Variants in EVI5L observed in about 807,000 individuals in gnomAD.
EVI5L encodes ecotropic viral integration site 5 like, also known as EVI5-like protein.
EVI5L carries 30 observed loss-of-function variants against 106.1 expected under a neutral mutation model. That is an observed-to-expected ratio of 0.28 (90% CI 0.21 to 0.38). The LOEUF (loss-of-function observed/expected upper bound fraction) is 0.38. Among genes scored for constraint, EVI5L ranks in the 10% least tolerant of loss-of-function variants. The pLI is 1.00. For synonymous variants in EVI5L, 489 were observed against 483.3 expected (o/e 1.01, Z -0.15); for missense variants, 809 against 1,098.0 (o/e 0.74, Z 3.72).
Position 7,860,596 on chromosome 19 carries a change from C to T in EVI5L, c.1410C>T (p.His470=). ...NPRLTEDFVS[H]LETELEQSRL... Reference sequence around the variant, plus strand: ...GCCTCACAGAAGACTTCGTGTCCCACCTGGAGACCGAGCTGGAGCAGTCGA... The same window carrying T: ...GCCTCACAGAAGACTTCGTGTCCCATCTGGAGACCGAGCTGGAGCAGTCGA... Residue 470 remains histidine (H), a synonymous_variant, in exon 14 of 20, where the codon CAC becomes CAT. Coordinates refer to ENST00000538904, the MANE Select transcript of EVI5L (RefSeq NM_001159944.3). 6.2e-7 allele frequency: 1 copy of T among 1,600,460 alleles called. No homozygotes were observed. Among genetic ancestry groups the T allele is most frequent in the Admixed American group, 1.7e-5 (1 of 58,386 alleles).
At position 7,848,334 on chromosome 19, in the gene EVI5L, C is replaced by G. The variant is rs535406739; in HGVS notation, c.327+413C>G. On this transcript the variant is annotated intron_variant, in intron 3 of 19. Transcript: ENST00000538904. This position sits in a 1 kb window ranked among gnomAD's most constrained non-coding sequence, Gnocchi z 4.8. Reference sequence around the variant, plus strand: ...CAGGTAGGCCGGGCGCAGTGGCTCACGCCTGTAATCCCAGTTCGTTGGAAG... The same window carrying G: ...CAGGTAGGCCGGGCGCAGTGGCTCAGGCCTGTAATCCCAGTTCGTTGGAAG... Among the ~76,000 whole-genome samples the G allele has an allele frequency of 6.6e-6, 1 of 152,094 alleles. No individual in the cohort carries two copies. The highest frequency in any genetic ancestry group is 1.5e-5 in the Non-Finnish European group (1 of 68,026).
At chr19:7,841,364 C>T (rs781599268) in intron 1 of EVI5L, among the ~76,000 whole-genome samples, 1 of 152,064 alleles carries the variant, frequency 6.6e-6, no homozygotes, top group East Asian at 1.9e-4. Flanking sequence ...TGAGAAGTCC[C>T]GGCCAGAGAG....
Position 7,863,789 on chromosome 19 carries a change from T to C in EVI5L, c.*87T>C. 1 of 1,408,052 alleles carries C rather than the reference T, an allele frequency of 7.1e-7. No individual in the cohort carries two copies. Among genetic ancestry groups the C allele is most frequent in the Non-Finnish European group, 9.2e-7 (1 of 1,084,212 alleles). 87.2% of individuals were successfully genotyped at this position (1,408,052 alleles called of 1,614,324 possible). A position where few individuals can be genotyped will look rare whatever the true frequency, so the allele number is the denominator to read the frequency against. On this transcript the variant is annotated 3_prime_UTR_variant, in exon 20 of 20. Transcript: ENST00000538904. This position sits in a 1 kb window ranked among gnomAD's most constrained non-coding sequence, Gnocchi z 7.7. ...GCGTTCTGCTCCCCACCTGCCGCAC[T>C]TGACAAACTACGCGCCCTCTGTGGC...
intron 1 of EVI5L, among the ~76,000 whole-genome samples, chr19:7,840,350 T>G (rs1247538196): frequency 6.6e-6 from 1 of 152,144 alleles, no homozygotes; most frequent in Non-Finnish European, 1.5e-5. Context: ...TGGCGGCACA[T>G]GCCTATAATC....
At chr19:7,831,260 C>T (rs1599556144) in intron 1 of EVI5L, among the ~76,000 whole-genome samples, 1 of 131,272 alleles carries the variant, frequency 7.6e-6, no homozygotes, top group African/African-American at 2.7e-5. Flanking sequence ...CACACACACA[C>T]ACACACACAC....
intron 1 of EVI5L, among the ~76,000 whole-genome samples, chr19:7,834,892 G>A (rs1258392920): frequency 6.6e-6 from 1 of 152,126 alleles, no homozygotes; most frequent in Non-Finnish European, 1.5e-5. Flanking sequence ...TTGAGAGGCC[G>A]AGTCAGGGAG....
At position 7,849,992 on chromosome 19, in the gene EVI5L, C is replaced by G. The variant is rs28420566; in HGVS notation, c.628-5C>G. The G allele has an allele frequency of 4.9e-3, 7,709 of 1,588,446 alleles. 290 individuals carry two copies. The African/African-American group carries it at 0.082, about 17-fold the overall frequency. ...TGAGCCCCCCCACCTGCCCGTCCCC[C>G]CTAGATGCCTGAGGAGGAGGCCTTC... is the stretch of plus-strand genomic sequence containing the variant. On this transcript the variant is annotated splice_polypyrimidine_tract_variant and splice_region_variant and intron_variant, in intron 5 of 19. Coordinates refer to ENST00000538904, the MANE Select transcript of EVI5L (RefSeq NM_001159944.3).
In EVI5L at chr19:7,838,091, G is replaced by A. The variant is rs10164286; in HGVS notation, c.-48+7710G>A. ...GTCTGGTGTGTTTATTTTTTTTTTGGTTGGTTTTTTTTTGTTTTGTTTTGT... is the reference window on the plus strand; with the variant it reads ...GTCTGGTGTGTTTATTTTTTTTTTGATTGGTTTTTTTTTGTTTTGTTTTGT... On this transcript the variant is annotated intron_variant, in intron 1 of 19. Coordinates refer to ENST00000538904, the MANE Select transcript of EVI5L (RefSeq NM_001159944.3). Among the ~76,000 whole-genome samples, 1,211 of 150,112 alleles carry A rather than the reference G, an allele frequency of 8.1e-3. 6 individuals are homozygous for A. The highest frequency in any genetic ancestry group is 0.012 in the Non-Finnish European group (816 of 67,548).
intron 2 of EVI5L, 45 bp downstream of exon 2, chr19:7,846,724 C>A: frequency 6.3e-7 from 1 of 1,593,224 alleles, no homozygotes; most frequent in Non-Finnish European, 8.5e-7. Flanking sequence ...GGGGTGCAGT[C>A]TGGGCCCCCA....
At chr19:7,839,821 G>A (rs1464941829) in intron 1 of EVI5L, among the ~76,000 whole-genome samples, 2 of 152,158 alleles carry the variant, frequency 1.3e-5, no homozygotes, top group Non-Finnish European at 2.9e-5. Flanking sequence ...TACTCAGGAG[G>A]CTGAGGTGGG....
intron 1 of EVI5L, among the ~76,000 whole-genome samples, chr19:7,842,925 T>C (rs1242376262): frequency 6.6e-6 from 1 of 151,706 alleles, no homozygotes; most frequent in African/African-American, 2.4e-5. Flanking sequence ...TGTGTGAAGG[T>C]ACCGGGTGTG....
At chr19:7,862,360 C>T in intron 16 of EVI5L, 28 bp from the exon 17 acceptor site, 1 of 1,584,806 alleles carries the variant, frequency 6.3e-7, no homozygotes, top group Non-Finnish European at 8.6e-7. Flanking sequence ...CGCCGCCGTC[C>T]TCCGTCCTCC....
chr19:7,833,885 TAGG>T (rs1978308882), intron 1 of EVI5L, among the ~76,000 whole-genome samples: 1 of 152,106 alleles, frequency 6.6e-6, no homozygotes, highest in Admixed American at 6.6e-5. Context: ...GAGGTGAGTT[TAGG>T]AGAACTAACT....
chr19:7,853,501 G>A (rs1568241029), intron 10 of EVI5L, 168 bp downstream of exon 10: 2 of 888,172 alleles, frequency 2.3e-6, no homozygotes, highest in Non-Finnish European at 1.7e-6. Context: ...TCACCTGTTA[G>A]GCCAGCTGTG....
In EVI5L at chr19:7,848,998, C is replaced by T. The variant is rs777521175; in HGVS notation, c.405C>T (p.Pro135=). 56 of 1,613,444 alleles carry T rather than the reference C, an allele frequency of 3.5e-5. 1 individual carries two copies. The highest frequency in any genetic ancestry group is 1.1e-4 in the South Asian group (10 of 91,080). The change falls in exon 4 of 20, where the codon CCC becomes CCT. Residue 135 remains proline (P), a synonymous_variant. Transcript: ENST00000538904. The surrounding 1 kb of genome is among the most constrained non-coding windows in gnomAD (Gnocchi z 4.8). ...WQLLCSATDM[P]VKNQYSELLK... ...TTCTGTGCAGCGCCACGGACATGCC[C>T]GTCAAGAACCAGTACTCCGAGCTGC...
intron 1 of EVI5L, among the ~76,000 whole-genome samples, chr19:7,843,652 G>A (rs1278135900): frequency 6.9e-6 from 1 of 144,410 alleles, no homozygotes; most frequent in South Asian, 2.1e-4. Context: ...TCGAGTGTGT[G>A]CATGTGTGTG....
intron 5 of EVI5L, among the ~76,000 whole-genome samples, chr19:7,849,661 G>A (rs1344294066): frequency 2.0e-5 from 3 of 152,172 alleles, no homozygotes; most frequent in African/African-American, 4.8e-5. Flanking sequence ...GGGCTTGGGG[G>A]TCTCCTCCAG....
chr19:7,857,452 G>GGT lies in EVI5L; in HGVS notation c.1233+334_1233+335dup, dbSNP rs1168382853. 1.9e-6 allele frequency: 1 copy of GGT among 524,846 alleles called. No individual in the cohort carries two copies. The highest frequency in any genetic ancestry group is 3.5e-6 in the Non-Finnish European group (1 of 288,616). The allele number at this position is 524,846 out of a possible 1,614,324, so 32.5% of individuals were successfully genotyped here. On this transcript the variant is annotated intron_variant, in intron 12 of 19. Transcript: ENST00000538904. The surrounding 1 kb of genome is among the most constrained non-coding windows in gnomAD (Gnocchi z 4.5). ...TAAAACCATATTCACATAAGGCCCT[G>GGT]GTGTGTGCAGTGCTGCGGTCACACA...
rs372805600 is a variant in EVI5L, at chr19:7,853,034, G to A, written c.988-52G>A. The A allele has an allele frequency of 1.7e-5, 28 of 1,603,142 alleles. No individual in the cohort carries two copies. In the African/African-American group the frequency reaches 2.0e-4, roughly 11 times the overall value. On this transcript the variant is annotated intron_variant, in intron 8 of 19. Transcript: ENST00000538904. ...GGGCAACAGGGCTCGGGCGGCCCCCGGTGGTCAGGGCCTGCATGTTGGTGA... is the reference window on the plus strand; with the variant it reads ...GGGCAACAGGGCTCGGGCGGCCCCCAGTGGTCAGGGCCTGCATGTTGGTGA...
Sources: allele counts gnomAD v4.1 joint callset (sites outside exome capture counted in the v4.1 genomes callset), GRCh38; gene constraint gnomAD v4.1.1; non-coding constraint Gnocchi (gnomAD v3.1); transcripts MANE v1.5; gene names NCBI Gene and HGNC (gene_info 2026-07-23, HGNC 2026-07-21).